MS4A13: variants seen among roughly 807,000 people sequenced by gnomAD.
MS4A13 encodes membrane spanning 4-domains A13.
MS4A13 carries 21 observed loss-of-function variants against 18.4 expected under a neutral mutation model. The ratio of observed to expected loss-of-function variants is 1.14; its 90% CI spans 0.81 to 1.64. MS4A13 has a LOEUF of 1.64. MS4A13 is among the 40% of genes most tolerant of loss of function. The pLI, the probability that MS4A13 is intolerant of heterozygous loss-of-function variation, is 0.00. For missense variants in MS4A13, 173 were observed against 176.8 expected, an observed-to-expected ratio of 0.98 and a Z score of 0.12; for synonymous variants, 62 against 57.2, an observed-to-expected ratio of 1.08 and a Z score of -0.38.
At position 60,525,265 on chromosome 11, in the gene MS4A13, C is replaced by G; in HGVS notation, c.245C>G (p.Thr82Ser). The stretch of plus-strand genomic sequence containing the variant: ...ATAATTACTACAATTACTGCAGTAA[C>G]TCTAACAATAATAGAGTTGTCTCAT... Reference protein sequence around the residue: ...ICIITTITAVTLTIIELSHFN... With the variant: ...ICIITTITAVSLTIIELSHFN... The change falls in exon 5 of 7, where the codon ACT (threonine) becomes AGT (serine). Residue 82 changes from threonine to serine, a missense_variant. By Grantham distance (58) the Thr-to-Ser change is moderately conservative. Transcript: ENST00000378186. The G allele has an allele frequency of 6.3e-7, 1 of 1,579,882 alleles. No homozygotes were observed. The highest frequency in any genetic ancestry group is 8.7e-7 in the Non-Finnish European group (1 of 1,151,046).
intron 3 of MS4A13, among the ~76,000 whole-genome samples, chr11:60,522,812 G>T (rs527474836): frequency 6.6e-6 from 1 of 152,184 alleles, no homozygotes; most frequent in African/African-American, 2.4e-5. Context: ...AAAAAGAGGA[G>T]AAAAACTGTG....
In MS4A13 at chr11:60,529,880, T is replaced by C. The variant is rs186402014; in HGVS notation, c.402+420T>C. Among the ~76,000 whole-genome samples the C allele has an allele frequency of 2.2e-4, 33 of 152,320 alleles. No individual in the cohort carries two copies. In the East Asian group the frequency reaches 5.8e-3, roughly 27 times the overall value. On this transcript the variant is annotated intron_variant, in intron 6 of 6. Transcript: ENST00000378186. ...ATAATGCCTTTTATTGCCTTCATTG[T>C]TTTTCTTAGTATTTAGCATTCCCTA...
chr11:60,538,173 A>T (rs1351970053), intron 6 of MS4A13, among the ~76,000 whole-genome samples: 3 of 139,310 alleles, frequency 2.2e-5, no homozygotes, highest in Admixed American at 1.5e-4. Context: ...AACTTAAAGT[A>T]TAATAAAAAA....
chr11:60,517,190 A>AT (rs2086643316), intron 2 of MS4A13, among the ~76,000 whole-genome samples: 2 of 152,080 alleles, frequency 1.3e-5, no homozygotes, highest in Non-Finnish European at 2.9e-5. Flanking sequence ...TTCTTAAAAA[A>AT]AAAACAAAAC....
intron 6 of MS4A13, among the ~76,000 whole-genome samples, chr11:60,535,454 C>T (rs2086801257): frequency 1.5e-5 from 2 of 137,396 alleles, no homozygotes; most frequent in African/African-American, 5.6e-5. Context: ...GACACATACA[C>T]TCTGCCAAGA....
chr11:60,538,254 T>TG (rs913324271), intron 6 of MS4A13, among the ~76,000 whole-genome samples: 17 of 149,198 alleles, frequency 1.1e-4, no homozygotes, highest in African/African-American at 4.2e-4. Context: ...TACCAGAGGC[T>TG]GGGGGCCGAT....
chr11:60,524,856 T>C (rs2086702353), intron 4 of MS4A13, among the ~76,000 whole-genome samples: 1 of 152,026 alleles, frequency 6.6e-6, no homozygotes. Flanking sequence ...GAGATGGGGT[T>C]TCACCGTGTT....
chr11:60,538,200 A>T (rs1232024517), intron 6 of MS4A13, among the ~76,000 whole-genome samples: 1 of 151,728 alleles, frequency 6.6e-6, no homozygotes, highest in African/African-American at 2.4e-5. Context: ...AACGAAAAAA[A>T]AAAACAAAGT....
At chr11:60,521,131 C>CATAGT (rs764363685) in intron 3 of MS4A13, among the ~76,000 whole-genome samples, 18 of 152,160 alleles carry the variant, frequency 1.2e-4, no homozygotes, top group Non-Finnish European at 1.8e-4. Flanking sequence ...CTAGGCTGCA[C>CATAGT]ATAGTACAGG....
intron 3 of MS4A13, 130 bp from the exon 4 acceptor site, chr11:60,523,767 C>T (rs2086693389): frequency 6.5e-6 from 4 of 611,834 alleles, no homozygotes; most frequent in Non-Finnish European, 8.7e-6. Context: ...GACCCATCTA[C>T]TAAAACTTCT....
intron 6 of MS4A13, among the ~76,000 whole-genome samples, chr11:60,542,106 A>T (rs1232306926): frequency 8.2e-6 from 1 of 121,890 alleles, no homozygotes; most frequent in African/African-American, 3.0e-5. Flanking sequence ...TTGAAAACAG[A>T]ACAAGACCTT....
At chr11:60,517,507 C>T (rs1013687365) in intron 2 of MS4A13, among the ~76,000 whole-genome samples, 11 of 151,944 alleles carry the variant, frequency 7.2e-5, no homozygotes, top group Admixed American at 3.3e-4. Context: ...ATGGGAAAAC[C>T]GAGTTCAAGC....
At chr11:60,517,846 G>A (rs1397716199) in intron 2 of MS4A13, among the ~76,000 whole-genome samples, 1 of 152,082 alleles carries the variant, frequency 6.6e-6, no homozygotes, top group Non-Finnish European at 1.5e-5. Flanking sequence ...TACTATTATT[G>A]AACAGCCTGT....
chr11:60,542,625 C>A lies in MS4A13; in HGVS notation c.*50C>A. The stretch of plus-strand genomic sequence containing the variant: ...GCTGTTGCTGATGCCTGGTGTGGGT[C>A]CTAATGATATCTCTGTATAACAAAG... On this transcript the variant is annotated 3_prime_UTR_variant, in exon 7 of 7. Transcript: ENST00000378186. The A allele has an allele frequency of 8.5e-7, 1 of 1,183,142 alleles. No individual in the cohort carries two copies. 73.3% of individuals were successfully genotyped at this position (1,183,142 alleles called of 1,614,324 possible).
intron 5 of MS4A13, 29 bp from the exon 6 acceptor site, chr11:60,529,336 T>G: frequency 7.5e-7 from 1 of 1,329,554 alleles, no homozygotes. Flanking sequence ...ATAATAGCAT[T>G]AAGATTTCTC....
intron 4 of MS4A13, among the ~76,000 whole-genome samples, chr11:60,524,211 C>T (rs2086697060): frequency 6.6e-6 from 1 of 152,102 alleles, no homozygotes; most frequent in Admixed American, 6.5e-5. Context: ...TGCCTTTTAA[C>T]ATTGTGTAAA....
intron 6 of MS4A13, among the ~76,000 whole-genome samples, chr11:60,542,086 C>T (rs185694900): frequency 1.5e-5 from 2 of 137,282 alleles, no homozygotes; most frequent in African/African-American, 5.5e-5. Flanking sequence ...CCAGCCTGGG[C>T]GACATGACCT....
chr11:60,539,787 C>G (rs1443573502), intron 6 of MS4A13, among the ~76,000 whole-genome samples: 1 of 152,042 alleles, frequency 6.6e-6, no homozygotes, highest in Non-Finnish European at 1.5e-5. Flanking sequence ...CAATGGAGGC[C>G]TGAAGGTAGT....
chr11:60,541,836 C>T (rs1279697948), intron 6 of MS4A13, among the ~76,000 whole-genome samples: 3 of 152,068 alleles, frequency 2.0e-5, no homozygotes, highest in African/African-American at 7.2e-5. Context: ...TGGTGGCTCA[C>T]ACCTGTAATC....
Sources: allele counts gnomAD v4.1 joint callset (sites outside exome capture counted in the v4.1 genomes callset), GRCh38; gene constraint gnomAD v4.1.1; transcripts MANE v1.5; gene names NCBI Gene and HGNC (gene_info 2026-07-23, HGNC 2026-07-21).